Variants in ANKRD30BL observed in about 807,000 individuals in gnomAD.
The protein encoded by ANKRD30BL is putative ankyrin repeat domain-containing protein 30B-like.
A neutral mutation model predicts 18.4 loss-of-function variants in ANKRD30BL; 20 were observed. That is an observed-to-expected ratio of 1.09 (90% CI 0.77 to 1.58). ANKRD30BL has a LOEUF of 1.58. ANKRD30BL is among the 40% of genes most tolerant of loss of function. ANKRD30BL has a pLI of 0.00. For missense variants in ANKRD30BL, 224 were observed against 268.6 expected (o/e 0.83, Z 1.16); for synonymous variants, 72 against 100.9 (o/e 0.71, Z 1.72).
rs1491197357 is a variant in ANKRD30BL at position 132,169,435 on chromosome 2, TCA to T, written n.442-12291_442-12290del. 4.8e-3 allele frequency among the ~76,000 whole-genome samples: 687 copies of T among 143,744 alleles called. 5 individuals are homozygous for T. The highest frequency in any genetic ancestry group is 0.024 in the South Asian group (106 of 4,452). 94.3% of individuals were successfully genotyped at this position (143,744 alleles called of 152,430 possible). On this transcript the variant is annotated intron_variant and non_coding_transcript_variant, in intron 1 of 4. Transcript: ENST00000470729. ...AGGCTGAGGTGGGCACATCAGGAGG[TCA>T]AGAGATCGAGACCATCATGGCCACC... is the stretch of plus-strand genomic sequence containing the variant.
chr2:132,202,374 T>G (rs1679123689), intron 1 of ANKRD30BL, among the ~76,000 whole-genome samples: 1 of 152,016 alleles, frequency 6.6e-6, no homozygotes, highest in South Asian at 2.1e-4. Context: ...AAATATTATT[T>G]TAACAATTAT....
At chr2:132,239,655 A>G (rs1356957275) in intron 1 of ANKRD30BL, among the ~76,000 whole-genome samples, 12 of 151,964 alleles carry the variant, frequency 7.9e-5, no homozygotes, top group Non-Finnish European at 1.5e-4. Flanking sequence ...TAAAAACTAG[A>G]CAGAAGGATT....
intron 1 of ANKRD30BL, among the ~76,000 whole-genome samples, chr2:132,239,169 T>C (rs755609148): frequency 1.3e-5 from 2 of 152,098 alleles, no homozygotes; most frequent in Non-Finnish European, 2.9e-5. Flanking sequence ...AGAAACTACT[T>C]TGTGATGTGT....
intron 1 of ANKRD30BL, among the ~76,000 whole-genome samples, chr2:132,252,331 C>T (rs1680671667): frequency 6.6e-6 from 1 of 152,240 alleles, no homozygotes; most frequent in Non-Finnish European, 1.5e-5. Flanking sequence ...TGCAGCGGTG[C>T]TGCCCTGCCC....
chr2:132,156,047 A>AT (rs1326211913), intron 3 of ANKRD30BL: 3 of 152,082 alleles, frequency 2.0e-5, no homozygotes, highest in East Asian at 1.9e-4. Context: ...AATTGATACT[A>AT]TTTTTTGGCA....
chr2:132,206,337 A>G (rs938965913), intron 1 of ANKRD30BL, among the ~76,000 whole-genome samples: 8 of 152,196 alleles, frequency 5.3e-5, no homozygotes, highest in African/African-American at 1.7e-4. Flanking sequence ...GAAGGTGGAG[A>G]TGTTGATTAA....
chr2:132,181,786 G>A (rs375804122), intron 1 of ANKRD30BL, among the ~76,000 whole-genome samples: 1 of 152,162 alleles, frequency 6.6e-6, no homozygotes, highest in African/African-American at 2.4e-5. Flanking sequence ...CTCTCATGAA[G>A]AACATGACAG....
chr2:132,248,072 G>A (rs1380320867), intron 1 of ANKRD30BL, among the ~76,000 whole-genome samples: 1 of 151,386 alleles, frequency 6.6e-6, no homozygotes, highest in Admixed American at 6.6e-5. Context: ...GTTTCTCAGA[G>A]TGCATCTGTC....
chr2:132,236,393 T>C (rs1272628134), intron 1 of ANKRD30BL, among the ~76,000 whole-genome samples: 1 of 151,874 alleles, frequency 6.6e-6, no homozygotes, highest in Non-Finnish European at 1.5e-5. Flanking sequence ...AGGGCTAATA[T>C]CCAGAATCTA....
chr2:132,221,141 G>A (rs1351847102), intron 1 of ANKRD30BL, among the ~76,000 whole-genome samples: 2 of 147,246 alleles, frequency 1.4e-5, no homozygotes, highest in African/African-American at 2.7e-5. Context: ...ACCCCGTCTG[G>A]GAAGTGAGGA....
At chr2:132,152,506 A>G in intron 4 of ANKRD30BL, 1 of 152,186 alleles carries the variant, frequency 6.6e-6, no homozygotes. Context: ...TAGAGATGTA[A>G]GTAGCATGGG....
intron 1 of ANKRD30BL, among the ~76,000 whole-genome samples, chr2:132,228,020 A>G (rs1043119773): frequency 1.3e-5 from 2 of 152,036 alleles, no homozygotes; most frequent in African/African-American, 4.8e-5. Context: ...CAGTTTTGAA[A>G]CTGTCTTTTT....
intron 1 of ANKRD30BL, among the ~76,000 whole-genome samples, chr2:132,219,642 G>A (rs866739050): frequency 1.3e-5 from 2 of 151,666 alleles, no homozygotes; most frequent in Non-Finnish European, 2.9e-5. Flanking sequence ...CCTAAGGTGG[G>A]AAAGGAAATA....
At chr2:132,227,672 G>A (rs1679885637) in intron 1 of ANKRD30BL, among the ~76,000 whole-genome samples, 1 of 152,100 alleles carries the variant, frequency 6.6e-6, no homozygotes, top group Non-Finnish European at 1.5e-5. Flanking sequence ...GAATCCGCTA[G>A]TGGACATTTG....
At chr2:132,239,953 T>C (rs1021387757) in intron 1 of ANKRD30BL, among the ~76,000 whole-genome samples, 1 of 151,668 alleles carries the variant, frequency 6.6e-6, no homozygotes, top group Non-Finnish European at 1.5e-5. Context: ...TGGATAGCTT[T>C]GAGGATTTCG....
At chr2:132,218,145 C>T (rs566357091) in intron 1 of ANKRD30BL, among the ~76,000 whole-genome samples, 16 of 152,372 alleles carry the variant, frequency 1.1e-4, no homozygotes, top group African/African-American at 3.4e-4. Flanking sequence ...CAGAAGCATT[C>T]TCAGAAACTT....
chr2:132,187,361 A>T (rs1218192236), intron 1 of ANKRD30BL, among the ~76,000 whole-genome samples: 3 of 151,698 alleles, frequency 2.0e-5, no homozygotes, highest in African/African-American at 7.3e-5. Context: ...TGCCCAGCTA[A>T]TTTTTGTAGT....
At chr2:132,168,064 G>C (rs1029624826) in intron 1 of ANKRD30BL, among the ~76,000 whole-genome samples, 1 of 151,960 alleles carries the variant, frequency 6.6e-6, no homozygotes, top group African/African-American at 2.4e-5. Flanking sequence ...CTCTCCACTT[G>C]AAGAACTTCC....
At chr2:132,225,448 G>T (rs1366217612) in intron 1 of ANKRD30BL, among the ~76,000 whole-genome samples, 1 of 152,106 alleles carries the variant, frequency 6.6e-6, no homozygotes, top group African/African-American at 2.4e-5. Context: ...ATCTGCAAGT[G>T]AATATTTGGA....
Sources: allele counts gnomAD v4.1 joint callset (sites outside exome capture counted in the v4.1 genomes callset), GRCh38; gene constraint gnomAD v4.1.1; transcripts MANE v1.5; gene names NCBI Gene and HGNC (gene_info 2026-07-23, HGNC 2026-07-21).